MTSS1: variants seen among roughly 807,000 people sequenced by gnomAD.
MTSS1 encodes the protein MTSS I-BAR domain containing 1.
A neutral mutation model predicts 79.0 loss-of-function variants in MTSS1; 18 were observed. The ratio of observed to expected loss-of-function variants is 0.23; its 90% confidence interval spans 0.16 to 0.34. The LOEUF (loss-of-function observed/expected upper bound fraction) is 0.34. Ranked by LOEUF, MTSS1 falls within the 10% of genes least tolerant of loss-of-function variation. MTSS1 has a pLI of 1.00. For missense variants in MTSS1, 815 were observed against 986.2 expected (o/e 0.83, Z 2.33); for synonymous variants, 341 against 368.6 (o/e 0.93, Z 0.86).
chr8:124,582,633 AT>A lies in MTSS1; in HGVS notation c.460+2453del, dbSNP rs1047472265. On this transcript the variant is annotated intron_variant, in intron 6 of 13. Coordinates refer to ENST00000518547, the MANE Select transcript of MTSS1 (RefSeq NM_014751.6). The surrounding 1 kb of genome is among the most constrained non-coding windows in gnomAD (Gnocchi z 4.8). ...TCCGTCTATCAGGACAAAAAAAAAAATGTATCCAAAACCTTCATCCATCCGA... is the reference window on the plus strand; with the variant it reads ...TCCGTCTATCAGGACAAAAAAAAAAAGTATCCAAAACCTTCATCCATCCGA... 8.5e-5 allele frequency among the ~76,000 whole-genome samples: 13 copies of A among 152,096 alleles called. No homozygotes were observed. The highest frequency in any genetic ancestry group is 7.2e-4 in the Admixed American group (11 of 15,278).
intron 3 of MTSS1, among the ~76,000 whole-genome samples, chr8:124,646,219 T>A (rs1818970597): frequency 6.6e-6 from 1 of 152,228 alleles, no homozygotes. Context: ...GGATTATAAA[T>A]GGGATTATAA....
chr8:124,568,851 C>T (rs959538525), intron 6 of MTSS1: 1 of 1,432,598 alleles, frequency 7.0e-7, no homozygotes, highest in Non-Finnish European at 9.1e-7. Context: ...CCCTGGAACA[C>T]AGAGCCAGAC....
intron 3 of MTSS1, among the ~76,000 whole-genome samples, chr8:124,598,655 T>C (rs945327072): frequency 3.9e-5 from 6 of 152,182 alleles, no homozygotes; most frequent in African/African-American, 1.4e-4. Flanking sequence ...GTTCTCATAA[T>C]GAAGAAAATG....
chr8:124,555,901 C>T lies in MTSS1; in HGVS notation c.1408G>A (p.Gly470Ser), dbSNP rs749039763. The change falls in exon 13 of 14, where the codon GGT (glycine) becomes AGT (serine). Residue 470 changes from glycine (G) to serine (S), a missense_variant. This residue lies in a region of MTSS1 where 590 missense variants were observed against 620.8 expected (regional missense o/e 0.95). Transcript: ENST00000518547. ...SMTVSAATRP[G>S]EEMEACEELA... ...TCCTCACAAGCCTCCATCTCCTCACCAGGCTGCAGGTTGGAGGAGAGAAAT... is the reference window on the plus strand; with the variant it reads ...TCCTCACAAGCCTCCATCTCCTCACTAGGCTGCAGGTTGGAGGAGAGAAAT... 1 of 1,606,746 alleles carries T rather than the reference C, an allele frequency of 6.2e-7. No individual in the cohort carries two copies. Among genetic ancestry groups the T allele is most frequent in the African/African-American group, 1.3e-5 (1 of 74,984 alleles).
chr8:124,669,529 C>T (rs1823737874), intron 3 of MTSS1, among the ~76,000 whole-genome samples: 1 of 152,172 alleles, frequency 6.6e-6, no homozygotes, highest in South Asian at 2.1e-4. Flanking sequence ...AGAGAGCTGG[C>T]TAGTGAATAT....
chr8:124,686,478 A>G (rs531963363), intron 3 of MTSS1, among the ~76,000 whole-genome samples: 214 of 152,308 alleles, frequency 1.4e-3, no homozygotes, highest in African/African-American at 4.8e-3. Context: ...GAAACAATGC[A>G]TGGACTGTCG....
chr8:124,590,816 A>G (rs4870907), intron 4 of MTSS1, among the ~76,000 whole-genome samples: 96,246 of 152,012 alleles, frequency 0.63, 31,191 homozygotes, highest in East Asian at 0.78. Flanking sequence ...CTCCAATTTC[A>G]CAGCCCCTCT....
rs549118027 is a variant in MTSS1, at chr8:124,566,770, A to C, written c.726+301T>G. On this transcript the variant is annotated intron_variant, in intron 8 of 13. Transcript: ENST00000518547. ...TCAAATATCAGTTCCACTACCTGCT[A>C]GCTAGCTGAACCTGGCTAAGTGACT... 1.1e-4 allele frequency among the ~76,000 whole-genome samples: 16 copies of C among 152,332 alleles called. No homozygotes were observed. The South Asian group carries it at 3.3e-3, about 32-fold the overall frequency.
At position 124,553,520 on chromosome 8, in the gene MTSS1, A is replaced by G; in HGVS notation, c.1740T>C (p.Ala580=). 1 of 1,614,094 alleles carries G rather than the reference A, an allele frequency of 6.2e-7. No homozygotes were observed. Among genetic ancestry groups the G allele is most frequent in the Middle Eastern group, 1.6e-4 (1 of 6,062 alleles). ...TAGLPTTLGP[A]MVTPGVATIR... is the part of the protein sequence containing the mutation. ...TAGTTGCAACCCCTGGAGTGACCAT[A>G]GCAGGTCCCAGGGTGGTGGGGAGGC... The change falls in exon 14 of 14, where the codon GCT becomes GCC. Residue 580 remains alanine, a synonymous_variant. Transcript: ENST00000518547. This position sits in a 1 kb window ranked among gnomAD's most constrained non-coding sequence, Gnocchi z 6.0.
chr8:124,701,301 A>G (rs1301610019), intron 2 of MTSS1, among the ~76,000 whole-genome samples: 2 of 152,182 alleles, frequency 1.3e-5, no homozygotes, highest in Non-Finnish European at 2.9e-5. Flanking sequence ...CATCAGCAAC[A>G]GTAGTTTTGA....
chr8:124,698,383 C>G (rs1049524795), intron 3 of MTSS1, among the ~76,000 whole-genome samples: 7 of 152,000 alleles, frequency 4.6e-5, no homozygotes, highest in African/African-American at 1.7e-4. Context: ...CAAGAAGACC[C>G]AGAAAGACAA....
intron 3 of MTSS1, among the ~76,000 whole-genome samples, chr8:124,653,022 G>A (rs1053003318): frequency 7.2e-5 from 11 of 152,202 alleles, no homozygotes; most frequent in Non-Finnish European, 1.0e-4. Context: ...CTATTGCAGC[G>A]TGACTTTCAA....
chr8:124,688,456 T>C (rs560409121), intron 3 of MTSS1, among the ~76,000 whole-genome samples: 103 of 152,252 alleles, frequency 6.8e-4, no homozygotes, highest in Admixed American at 1.6e-3. Context: ...TGTAAATGAA[T>C]TGAAGCCTCA....
Position 124,727,995 on chromosome 8 carries a change from C to A in MTSS1, c.-40G>T. 6.4e-7 allele frequency: 1 copy of A among 1,574,648 alleles called. No individual in the cohort carries two copies. Among genetic ancestry groups the A allele is most frequent in the Non-Finnish European group, 8.7e-7 (1 of 1,151,858 alleles). ...CAGGGCGAGGGCACACACGCGGGGC[C>A]GCTGGACTGCGCGCGGGGCCGGGGC... On this transcript the variant is annotated 5_prime_UTR_variant, in exon 1 of 14. Coordinates refer to ENST00000518547, the MANE Select transcript of MTSS1 (RefSeq NM_014751.6). This position sits in a 1 kb window ranked among gnomAD's most constrained non-coding sequence, Gnocchi z 4.7.
At chr8:124,643,550 T>A (rs548177573) in intron 3 of MTSS1, among the ~76,000 whole-genome samples, 1 of 151,932 alleles carries the variant, frequency 6.6e-6, no homozygotes, top group Admixed American at 6.6e-5. Flanking sequence ...ATAAAAAAAT[T>A]AGCCAGGCGT....
intron 6 of MTSS1, chr8:124,577,619 G>A (rs757713759): frequency 1.9e-6 from 1 of 518,896 alleles, no homozygotes; most frequent in East Asian, 5.5e-5. Flanking sequence ...TAGGTCTAAG[G>A]GTAAAATTCT....
At position 124,553,583 on chromosome 8, in the gene MTSS1, T is replaced by C. The variant is rs764494475; in HGVS notation, c.1677A>G (p.Arg559=). Residue 559 remains arginine, a synonymous_variant, in exon 14 of 14, where the codon CGA becomes CGG. Transcript: ENST00000518547. The surrounding 1 kb of genome is among the most constrained non-coding windows in gnomAD (Gnocchi z 6.0). ...CTGGACGCTTGGCTTGGAACATCCG[T>C]CGGTAGGACTGGCTGATGTCGCTGT... is the stretch of plus-strand genomic sequence containing the variant. ...PRNSDISQSY[R]RMFQAKRPAS... is the part of the protein sequence containing the mutation. The C allele has an allele frequency of 6.2e-7, 1 of 1,614,128 alleles. No homozygotes were observed. Among genetic ancestry groups the C allele is most frequent in the Non-Finnish European group, 8.5e-7 (1 of 1,180,006 alleles).
At chr8:124,671,297 C>G (rs919412417) in intron 3 of MTSS1, among the ~76,000 whole-genome samples, 10 of 152,094 alleles carry the variant, frequency 6.6e-5, no homozygotes, top group African/African-American at 1.7e-4. Context: ...TGCTTCTACC[C>G]CCGTTCTCCA....
intron 3 of MTSS1, among the ~76,000 whole-genome samples, chr8:124,674,768 A>C (rs1824970985): frequency 6.6e-6 from 1 of 151,936 alleles, no homozygotes; most frequent in African/African-American, 2.4e-5. Context: ...CTGCCACCTG[A>C]GTTGGAGTGC....
Sources: allele counts gnomAD v4.1 joint callset (sites outside exome capture counted in the v4.1 genomes callset), GRCh38; gene constraint gnomAD v4.1.1; regional missense constraint gnomAD v4.1.1; non-coding constraint Gnocchi (gnomAD v3.1); transcripts MANE v1.5; gene names NCBI Gene and HGNC (gene_info 2026-07-23, HGNC 2026-07-21).